RNGTT: variants seen among roughly 807,000 people sequenced by gnomAD.
The protein encoded by RNGTT is RNA guanylyltransferase and 5'-phosphatase, also known as mRNA-capping enzyme.
RNGTT carries 33 observed loss-of-function variants against 79.3 expected under a neutral mutation model. The observed-to-expected ratio is 0.42, with a 90% CI of 0.32 to 0.56. RNGTT has a LOEUF of 0.56. Ranked by LOEUF, RNGTT falls within the 20% of genes least tolerant of loss-of-function variation. RNGTT has a pLI of 0.17. For missense variants in RNGTT, 497 were observed against 739.1 expected, an observed-to-expected ratio of 0.67 and a Z score of 3.80; for synonymous variants, 222 against 235.9, an observed-to-expected ratio of 0.94 and a Z score of 0.54.
chr6:88,906,569 A>C (rs994537123), intron 4 of RNGTT, 129 bp from the exon 5 acceptor site: 5 of 577,992 alleles, frequency 8.7e-6, no homozygotes, highest in Non-Finnish European at 1.5e-5. Flanking sequence ...TAATTTTTTA[A>C]CTTGAAACAC....
intron 13 of RNGTT, among the ~76,000 whole-genome samples, chr6:88,680,326 G>A (rs1445037819): frequency 6.6e-6 from 1 of 152,234 alleles, no homozygotes; most frequent in South Asian, 2.1e-4. Flanking sequence ...AGGTAGTTGT[G>A]TGATTACCCT....
intron 2 of RNGTT, among the ~76,000 whole-genome samples, chr6:88,936,032 A>C (rs1784654359): frequency 6.6e-6 from 1 of 152,150 alleles, no homozygotes; most frequent in African/African-American, 2.4e-5. Context: ...TGATCCTCCC[A>C]CTTCAGCCTC....
At chr6:88,641,335 T>C (rs1487006148) in intron 14 of RNGTT, among the ~76,000 whole-genome samples, 1 of 130,602 alleles carries the variant, frequency 7.7e-6, no homozygotes, top group African/African-American at 3.9e-5. Context: ...TGAGACTCTG[T>C]CTTAAAAAAA....
At chr6:88,701,165 G>A (rs988704892) in intron 13 of RNGTT, among the ~76,000 whole-genome samples, 3 of 152,054 alleles carry the variant, frequency 2.0e-5, no homozygotes, top group African/African-American at 4.8e-5. Flanking sequence ...AAGGTAGATG[G>A]ATAGAGGGGA....
intron 8 of RNGTT, among the ~76,000 whole-genome samples, chr6:88,878,359 AG>A (rs1466787656): frequency 6.6e-6 from 1 of 152,130 alleles, no homozygotes; most frequent in Non-Finnish European, 1.5e-5. Flanking sequence ...GGCCTCCCAA[AG>A]TGCTGGGATT....
At chr6:88,794,597 T>C (rs1779532265) in intron 12 of RNGTT, among the ~76,000 whole-genome samples, 1 of 152,112 alleles carries the variant, frequency 6.6e-6, no homozygotes. Context: ...GGCAAAAATA[T>C]AACCACAGCC....
chr6:88,963,242 A>AT, intron 1 of RNGTT, 104 bp downstream of exon 1: 1 of 1,169,132 alleles, frequency 8.6e-7, no homozygotes, highest in Non-Finnish European at 1.3e-6. Flanking sequence ...CGCTCCTGAA[A>AT]TACCACTAAT....
intron 1 of RNGTT, among the ~76,000 whole-genome samples, chr6:88,946,695 C>A (rs942299704): frequency 2.0e-5 from 3 of 151,822 alleles, no homozygotes; most frequent in African/African-American, 7.3e-5. Flanking sequence ...CGGTCTCCCT[C>A]TCATGCGGAG....
At chr6:88,743,334 C>T (rs1001127536) in intron 13 of RNGTT, among the ~76,000 whole-genome samples, 1 of 152,038 alleles carries the variant, frequency 6.6e-6, no homozygotes, top group African/African-American at 2.4e-5. Flanking sequence ...ATATACAGAA[C>T]AAAATGTAGC....
At chr6:88,718,386 CAAAA>C (rs569752110) in intron 13 of RNGTT, among the ~76,000 whole-genome samples, 1 of 90,276 alleles carries the variant, frequency 1.1e-5, no homozygotes. Flanking sequence ...GACTGTCTCT[CAAAA>C]AAAAAAAAAA....
intron 11 of RNGTT, among the ~76,000 whole-genome samples, chr6:88,826,186 C>T (rs1476425319): frequency 6.6e-6 from 1 of 152,088 alleles, no homozygotes; most frequent in African/African-American, 2.4e-5. Flanking sequence ...GGTTTACAAC[C>T]GATAGCATCT....
chr6:88,672,342 T>C lies in RNGTT; in HGVS notation c.1506+6011A>G, dbSNP rs570200157. Among the ~76,000 whole-genome samples the C allele has an allele frequency of 9.9e-5, 15 of 152,162 alleles. No individual in the cohort carries two copies. The East Asian group carries it at 2.9e-3, about 29-fold the overall frequency. ...ATATATGTATAAATGTAATGCTCCA[T>C]ATATATGTATATGATGAAATACTAC... is the stretch of plus-strand genomic sequence containing the variant. On this transcript the variant is annotated intron_variant, in intron 14 of 15. Coordinates refer to ENST00000369485, the MANE Select transcript of RNGTT (RefSeq NM_003800.5).
chr6:88,940,961 T>C (rs969458097), intron 2 of RNGTT, 110 bp downstream of exon 2: 1 of 589,986 alleles, frequency 1.7e-6, no homozygotes, highest in African/African-American at 1.9e-5. Flanking sequence ...GCAACTTCCC[T>C]TGAGTCTATT....
At chr6:88,666,252 T>G (rs1420318408) in intron 14 of RNGTT, among the ~76,000 whole-genome samples, 3 of 152,120 alleles carry the variant, frequency 2.0e-5, no homozygotes, top group African/African-American at 7.2e-5. Context: ...ACATTGTATG[T>G]GTCAGAAAGA....
chr6:88,963,137 T>C (rs1248748626), intron 1 of RNGTT, among the ~76,000 whole-genome samples: 1 of 152,134 alleles, frequency 6.6e-6, no homozygotes, highest in African/African-American at 2.4e-5. Flanking sequence ...CAGTTAGCCT[T>C]GCAGGAATAG....
chr6:88,672,336 G>A (rs1383412629), intron 14 of RNGTT, among the ~76,000 whole-genome samples: 1 of 151,412 alleles, frequency 6.6e-6, no homozygotes, highest in African/African-American at 2.4e-5. Flanking sequence ...TAAATGTAAT[G>A]CTCCATATAT....
At chr6:88,804,630 T>C (rs1202216758) in intron 11 of RNGTT, among the ~76,000 whole-genome samples, 1 of 152,218 alleles carries the variant, frequency 6.6e-6, no homozygotes, top group African/African-American at 2.4e-5. Context: ...GTATACTTTA[T>C]ATTAACTGAT....
intron 14 of RNGTT, among the ~76,000 whole-genome samples, chr6:88,631,618 G>C (rs1016303461): frequency 1.3e-5 from 2 of 152,128 alleles, no homozygotes; most frequent in Admixed American, 6.5e-5. Flanking sequence ...CAGGAGCTGA[G>C]ATCTTGAGCA....
chr6:88,870,962 G>C (rs1248974495), intron 8 of RNGTT, among the ~76,000 whole-genome samples: 1 of 152,048 alleles, frequency 6.6e-6, no homozygotes, highest in African/African-American at 2.4e-5. Context: ...AATCAAAAGT[G>C]ACAATTGTTC....
Sources: allele counts gnomAD v4.1 joint callset (sites outside exome capture counted in the v4.1 genomes callset), GRCh38; gene constraint gnomAD v4.1.1; transcripts MANE v1.5; gene names NCBI Gene and HGNC (gene_info 2026-07-23, HGNC 2026-07-21).